The following SLC45A4 variants were observed in gnomAD, a reference collection of about 807,000 sequenced individuals.
SLC45A4 encodes solute carrier family 45 member 4, also known as polyamine-transporter SLC45A4.
In SLC45A4, 32 loss-of-function variants were observed where a neutral mutation model predicts 63.7. The observed-to-expected ratio is 0.50, with a 90% confidence interval of 0.38 to 0.67. SLC45A4 has a LOEUF of 0.67. Among genes scored for constraint, SLC45A4 ranks in the 30% least tolerant of loss-of-function variants. The pLI is 0.00. For synonymous variants in SLC45A4, 535 were observed against 510.0 expected (o/e 1.05, Z -0.66); for missense variants, 1,027 against 1,157.7 (o/e 0.89, Z 1.64).
Position 141,212,283 on chromosome 8 carries a change from T to C in SLC45A4, c.2215A>G (p.Arg739Gly), listed in dbSNP as rs911055667. 1.9e-6 allele frequency: 3 copies of C among 1,606,196 alleles called. No homozygotes were observed. Among genetic ancestry groups the C allele is most frequent in the Non-Finnish European group, 2.6e-6 (3 of 1,175,024 alleles). The change falls in exon 8 of 9, where the codon AGG becomes GGG. Residue 739 changes from arginine to glycine, a missense_variant. Coordinates refer to ENST00000517878, the MANE Select transcript of SLC45A4 (RefSeq NM_001286646.2). ...GGCTTTTCGCTGTTCCCACCGGCCCTGCCTTCGCCGGCCAACGGGGAAGAC... is the reference window on the plus strand; with the variant it reads ...GGCTTTTCGCTGTTCCCACCGGCCCCGCCTTCGCCGGCCAACGGGGAAGAC... Reference protein sequence around the residue: ...GLSSPLAGEGRAGGNSEKPTV... With the variant: ...GLSSPLAGEGGAGGNSEKPTV...
chr8:141,258,609 A>G (rs975704871), intron 1 of SLC45A4, among the ~76,000 whole-genome samples: 13 of 152,334 alleles, frequency 8.5e-5, no homozygotes, highest in Admixed American at 7.8e-4. Context: ...CAAAGACAGC[A>G]TGGTGGTGCA....
intron 1 of SLC45A4, among the ~76,000 whole-genome samples, chr8:141,305,743 G>A (rs1240506359): frequency 6.6e-6 from 1 of 152,120 alleles, no homozygotes; most frequent in Non-Finnish European, 1.5e-5. Context: ...GATGCACCAC[G>A]GTCAGAACGA....
At chr8:141,221,858 T>G (rs555265389) in intron 2 of SLC45A4, 93 bp from the exon 3 acceptor site, 1 of 1,357,266 alleles carries the variant, frequency 7.4e-7, no homozygotes, top group African/African-American at 1.4e-5. Context: ...GGTGCCTCTG[T>G]GTACACGCAC....
chr8:141,292,478 G>GC (rs374235120), intron 1 of SLC45A4, among the ~76,000 whole-genome samples: 258 of 152,382 alleles, frequency 1.7e-3, no homozygotes, highest in African/African-American at 6.0e-3. Context: ...GGCTGGCCAA[G>GC]CACACAGGCT....
At chr8:141,217,915 G>A (rs1234032730) in intron 5 of SLC45A4, 96 bp downstream of exon 5, 2 of 1,406,438 alleles carry the variant, frequency 1.4e-6, no homozygotes, top group Non-Finnish European at 1.9e-6. Context: ...ACACGCGTGG[G>A]CACGAGGAAG....
intron 1 of SLC45A4, among the ~76,000 whole-genome samples, chr8:141,277,943 T>C (rs1829794188): frequency 1.3e-5 from 2 of 152,200 alleles, no homozygotes; most frequent in South Asian, 4.1e-4. Flanking sequence ...GGTCTCACCA[T>C]GTGGTCCAGG....
intron 2 of SLC45A4, among the ~76,000 whole-genome samples, chr8:141,222,621 C>T (rs1589774221): frequency 6.6e-6 from 1 of 152,226 alleles, no homozygotes; most frequent in African/African-American, 2.4e-5. Context: ...CCATCACCAA[C>T]CAGGCGGGCA....
intron 1 of SLC45A4, among the ~76,000 whole-genome samples, chr8:141,296,539 T>TAAAAAA: frequency 7.7e-6 from 1 of 129,346 alleles, no homozygotes; most frequent in Non-Finnish European, 1.6e-5. Context: ...AAATTAAAAT[T>TAAAAAA]AAAAAAAAAA....
At chr8:141,287,512 T>C (rs545289668) in intron 1 of SLC45A4, among the ~76,000 whole-genome samples, 33 of 152,360 alleles carry the variant, frequency 2.2e-4, no homozygotes, top group Admixed American at 2.0e-3. Context: ...CCCATTTCCA[T>C]GGCCAGGACG....
At chr8:141,265,448 G>T (rs1223523621) in intron 1 of SLC45A4, among the ~76,000 whole-genome samples, 1 of 152,256 alleles carries the variant, frequency 6.6e-6, no homozygotes, top group Non-Finnish European at 1.5e-5. Context: ...GGGGCAATCA[G>T]ATACCATAAA....
intron 1 of SLC45A4, among the ~76,000 whole-genome samples, chr8:141,293,176 C>T (rs552074699): frequency 3.8e-4 from 58 of 152,326 alleles, no homozygotes; most frequent in Non-Finnish European, 7.3e-4. Context: ...AAAATGCGGC[C>T]GGGCGCAGTG....
chr8:141,302,620 C>A (rs1830783630), intron 1 of SLC45A4, among the ~76,000 whole-genome samples: 1 of 152,224 alleles, frequency 6.6e-6, no homozygotes, highest in Admixed American at 6.5e-5. Flanking sequence ...GCATGAGCCA[C>A]CGCGGCAGGC....
chr8:141,212,519 A>T lies in SLC45A4; in HGVS notation c.1979T>A (p.Phe660Tyr), dbSNP rs1280111000. ...GGACAGGATGGCACAATCTATGCCA[A>T]ACCCTCGCTTGGAGTTCCCGGGGCT... Reference protein sequence around the residue: ...HHSPGNSKRGFGIDCAILSCQ... With the variant: ...HHSPGNSKRGYGIDCAILSCQ... Residue 660 changes from phenylalanine (F) to tyrosine (Y), a missense_variant, in exon 8 of 9, where the codon TTT becomes TAT. Physicochemically the swap from Phe to Tyr is conservative, Grantham distance 22 (BLOSUM62 3). Coordinates refer to ENST00000517878, the MANE Select transcript of SLC45A4 (RefSeq NM_001286646.2). 1 of 1,611,276 alleles carries T rather than the reference A, an allele frequency of 6.2e-7. No individual in the cohort carries two copies. Among genetic ancestry groups the T allele is most frequent in the Non-Finnish European group, 8.5e-7 (1 of 1,178,222 alleles).
intron 1 of SLC45A4, among the ~76,000 whole-genome samples, chr8:141,257,010 C>T (rs1237813915): frequency 2.0e-5 from 3 of 152,128 alleles, no homozygotes; most frequent in African/African-American, 4.8e-5. Flanking sequence ...CATGCCACCA[C>T]GCCCAGCTAA....
At chr8:141,289,569 T>C (rs1348861453) in intron 1 of SLC45A4, among the ~76,000 whole-genome samples, 1 of 152,148 alleles carries the variant, frequency 6.6e-6, no homozygotes, top group South Asian at 2.1e-4. Flanking sequence ...TGGGTTTTCC[T>C]TGGGCGGAGA....
chr8:141,264,292 G>A (rs1319989020), intron 1 of SLC45A4, among the ~76,000 whole-genome samples: 1 of 152,160 alleles, frequency 6.6e-6, no homozygotes, highest in Non-Finnish European at 1.5e-5. Context: ...TGATTGATCT[G>A]AGAGTCCACC....
chr8:141,269,263 GC>G (rs1829413833), intron 1 of SLC45A4, among the ~76,000 whole-genome samples: 3 of 152,244 alleles, frequency 2.0e-5, no homozygotes, highest in African/African-American at 7.2e-5. Flanking sequence ...GCTTAATTGT[GC>G]CTTAAGTCTT....
At chr8:141,262,572 C>G (rs1403887210) in intron 1 of SLC45A4, among the ~76,000 whole-genome samples, 1 of 151,376 alleles carries the variant, frequency 6.6e-6, no homozygotes, top group African/African-American at 2.4e-5. Context: ...ACAGACACTT[C>G]TCAAAAGAAG....
intron 1 of SLC45A4, among the ~76,000 whole-genome samples, chr8:141,258,551 G>A (rs1431768242): frequency 6.6e-6 from 1 of 152,158 alleles, no homozygotes; most frequent in Non-Finnish European, 1.5e-5. Flanking sequence ...AGGTCTCAGG[G>A]ATCAGCTAAA....
Sources: gnomAD v4.1 joint callset for allele counts (sites outside exome capture counted in the v4.1 genomes callset) on GRCh38, gnomAD v4.1.1 for gene constraint, MANE v1.5 for transcripts, NCBI Gene and HGNC (gene_info 2026-07-23, HGNC 2026-07-21) for gene names.